UTRN: variants seen among roughly 807,000 people sequenced by gnomAD.
UTRN encodes dystrophin-related protein 1.
A neutral mutation model predicts 463.9 loss-of-function variants in UTRN; 283 were observed. That is an observed-to-expected ratio of 0.61 (90% CI 0.55 to 0.67). UTRN has a LOEUF of 0.67. UTRN is among the 30% of genes least tolerant of loss of function. UTRN has a pLI of 0.00. For synonymous variants in UTRN, 1,442 were observed against 1,431.5 expected (o/e 1.01, Z -0.17); for missense variants, 3,922 against 4,084.3 (o/e 0.96, Z 1.08).
At chr6:144,689,008 C>T (rs1459283715) in intron 52 of UTRN, among the ~76,000 whole-genome samples, 1 of 152,128 alleles carries the variant, frequency 6.6e-6, no homozygotes, top group Non-Finnish European at 1.5e-5. Context: ...CTACCTCAGC[C>T]CTCCTGTCAG....
At chr6:144,804,122 T>C (rs1777938319) in intron 65 of UTRN, among the ~76,000 whole-genome samples, 1 of 152,182 alleles carries the variant, frequency 6.6e-6, no homozygotes, top group Admixed American at 6.5e-5. Context: ...TCTATTTTCT[T>C]TGGTTTAGGG....
intron 52 of UTRN, among the ~76,000 whole-genome samples, chr6:144,680,635 T>G (rs1250054855): frequency 6.6e-6 from 1 of 152,184 alleles, no homozygotes; most frequent in Non-Finnish European, 1.5e-5. Flanking sequence ...CCCTAGAGGT[T>G]CACAAATCTG....
rs528577424 is a variant in UTRN, at chr6:144,727,882, G to A, written c.7810-2475G>A. ...AGGCAGGTGGATCACCTGAGGTCTG[G>A]AGTTTGAGACCAGCCTGGCCAACCA... On this transcript the variant is annotated intron_variant, in intron 53 of 74. Transcript: ENST00000367545. Among the ~76,000 whole-genome samples the A allele has an allele frequency of 6.6e-5, 10 of 152,248 alleles. No individual in the cohort carries two copies. In the South Asian group the frequency reaches 2.1e-3, roughly 32 times the overall value.
chr6:144,392,264 TC>T (rs1311355005), intron 2 of UTRN, among the ~76,000 whole-genome samples: 2 of 152,264 alleles, frequency 1.3e-5, no homozygotes, highest in African/African-American at 4.8e-5. Flanking sequence ...ACTTTCATTA[TC>T]TTTTTATTAG....
Position 144,479,845 on chromosome 6 carries a change from C to G in UTRN, c.3370C>G (p.Gln1124Glu), listed in dbSNP as rs774287337. ...TCAAAAAAGTAGGTTGTCTGAAAGT[C>G]AAGAAAAAGCTGCGAACCTGAAGAA... ...ATQKSRLSES[Q>E]EKAANLKKDL... The change falls in exon 26 of 75, where the codon CAA becomes GAA. Residue 1124 changes from glutamine to glutamate, a missense_variant. Transcript: ENST00000367545. The G allele has an allele frequency of 1.9e-6, 3 of 1,613,680 alleles. No individual in the cohort carries two copies. Among genetic ancestry groups the G allele is most frequent in the Non-Finnish European group, 2.5e-6 (3 of 1,179,862 alleles).
At chr6:144,433,441 G>A (rs1786134349) in intron 9 of UTRN, among the ~76,000 whole-genome samples, 3 of 151,324 alleles carry the variant, frequency 2.0e-5, no homozygotes, top group South Asian at 2.1e-4. Flanking sequence ...TGGCTGCCGG[G>A]CGGAGGGGCT....
Position 144,286,645 on chromosome 6 carries a change from C to T in UTRN, c.-93+824C>T, listed in dbSNP as rs1432860219. On this transcript the variant is annotated intron_variant, in intron 1 of 74. Transcript: ENST00000367545. The surrounding 1 kb of genome is among the most constrained non-coding windows in gnomAD (Gnocchi z 4.4). Reference sequence around the variant, plus strand: ...AGGCCACTTAAAAACCAACAAAGCACCAATTGAAGGCTGTGCAACTTTCAG... The same window carrying T: ...AGGCCACTTAAAAACCAACAAAGCATCAATTGAAGGCTGTGCAACTTTCAG... 4.0e-5 allele frequency among the ~76,000 whole-genome samples: 6 copies of T among 151,810 alleles called. No homozygotes were observed. Among genetic ancestry groups the T allele is most frequent in the African/African-American group, 1.5e-4 (6 of 41,260 alleles).
chr6:144,324,755 A>G (rs1775871158), intron 2 of UTRN, among the ~76,000 whole-genome samples: 1 of 152,222 alleles, frequency 6.6e-6, no homozygotes, highest in African/African-American at 2.4e-5. Flanking sequence ...ACAATAAGAG[A>G]ACAAAAAGGA....
intron 35 of UTRN, among the ~76,000 whole-genome samples, chr6:144,511,557 T>A (rs1795171813): frequency 6.6e-6 from 1 of 152,224 alleles, no homozygotes; most frequent in South Asian, 2.1e-4. Context: ...TAAAGTTACT[T>A]AAACATTCTC....
At chr6:144,345,236 C>G (rs1328983055) in intron 2 of UTRN, among the ~76,000 whole-genome samples, 1 of 152,110 alleles carries the variant, frequency 6.6e-6, no homozygotes, top group East Asian at 1.9e-4. Context: ...TGGAGCAGCC[C>G]ATATTTTCTT....
intron 31 of UTRN, 142 bp downstream of exon 31, chr6:144,490,341 T>C (rs915435562): frequency 1.1e-5 from 13 of 1,226,914 alleles, no homozygotes; most frequent in Non-Finnish European, 1.4e-5. Flanking sequence ...TGTTGAAGGT[T>C]GCATCCTAGG....
intron 45 of UTRN, among the ~76,000 whole-genome samples, chr6:144,540,307 G>A (rs988478575): frequency 1.3e-5 from 2 of 151,998 alleles, no homozygotes; most frequent in African/African-American, 4.8e-5. Flanking sequence ...TTCAGAGTAT[G>A]ACGTCTGTAT....
chr6:144,610,355 A>G (rs1184668178), intron 51 of UTRN, among the ~76,000 whole-genome samples: 1 of 152,158 alleles, frequency 6.6e-6, no homozygotes, highest in Non-Finnish European at 1.5e-5. Context: ...CACACAACCT[A>G]TCAAGATTAA....
At position 144,447,294 on chromosome 6, in the gene UTRN, A is replaced by C. The variant is rs920355017; in HGVS notation, c.1698A>C (p.Leu566=). ...GCAACTTCAAAGACCAAAAGGAACT[A>C]AGTGTCAGTGTTCGACGTCTGGCTG... The part of the protein sequence containing the change: ...QTSNFKDQKE[L]SVSVRRLAIL... The change falls in exon 15 of 75, where the codon CTA becomes CTC. Residue 566 remains leucine (L), a synonymous_variant. Transcript: ENST00000367545. 6.2e-7 allele frequency: 1 copy of C among 1,613,708 alleles called. No individual in the cohort carries two copies. The highest frequency in any genetic ancestry group is 1.3e-5 in the African/African-American group (1 of 74,924).
chr6:144,682,466 T>C (rs1456416572), intron 52 of UTRN, among the ~76,000 whole-genome samples: 2 of 152,250 alleles, frequency 1.3e-5, no homozygotes, highest in East Asian at 3.9e-4. Context: ...ATTTCTGCGA[T>C]ATACTGATTT....
chr6:144,574,222 A>G (rs1210864476), intron 50 of UTRN, among the ~76,000 whole-genome samples: 1 of 152,210 alleles, frequency 6.6e-6, no homozygotes, highest in Non-Finnish European at 1.5e-5. Context: ...TTATGGAGGA[A>G]ATTAAATTCC....
chr6:144,777,553 T>A (rs970297978), intron 60 of UTRN, among the ~76,000 whole-genome samples: 1 of 152,208 alleles, frequency 6.6e-6, no homozygotes, highest in South Asian at 2.1e-4. Context: ...TTTTCAGCTG[T>A]GTGATGGACT....
intron 58 of UTRN, among the ~76,000 whole-genome samples, chr6:144,768,964 T>TTTTTTTTG (rs1562884837): frequency 6.8e-6 from 1 of 148,136 alleles, no homozygotes; most frequent in African/African-American, 2.6e-5. Context: ...TTTTGTTTTT[T>TTTTTTTTG]TTTTTTTAAT....
At chr6:144,624,968 AG>A (rs1313247923) in intron 51 of UTRN, among the ~76,000 whole-genome samples, 1 of 152,206 alleles carries the variant, frequency 6.6e-6, no homozygotes, top group Admixed American at 6.5e-5. Context: ...GTCAGAAGAG[AG>A]GACAAGATGA....
Sources: gnomAD v4.1 joint callset for allele counts (sites outside exome capture counted in the v4.1 genomes callset) on GRCh38, gnomAD v4.1.1 for gene constraint, Gnocchi (gnomAD v3.1) non-coding constraint, MANE v1.5 for transcripts, NCBI Gene and HGNC (gene_info 2026-07-23, HGNC 2026-07-21) for gene names.